Variants in RIMBP2 observed in about 807,000 individuals in gnomAD.
The protein encoded by RIMBP2 is RIMS binding protein 2, also known as RIMS-binding protein 2.
RIMBP2 carries 48 observed loss-of-function variants against 118.6 expected under a neutral mutation model. That is an observed-to-expected ratio of 0.40 (90% CI 0.32 to 0.51). The LOEUF is 0.51. RIMBP2 is among the 20% of genes least tolerant of loss of function. The pLI is 0.41. For synonymous variants in RIMBP2, 762 were observed against 742.9 expected (o/e 1.03, Z -0.42); for missense variants, 1,551 against 1,768.3 (o/e 0.88, Z 2.20).
In RIMBP2 at chr12:130,656,581, G is replaced by A. The variant is rs543099118; in HGVS notation, c.-351-28125C>T. Among the ~76,000 whole-genome samples, 16 of 152,040 alleles carry A rather than the reference G, an allele frequency of 1.1e-4. No homozygotes were observed. In the East Asian group the frequency reaches 1.2e-3, roughly 11 times the overall value. ...TGAGGCTGTCAGGAGAATCTGCCCCGGGCTCCCCCTGACTCCTGGCAGCCT... is the reference window on the plus strand; with the variant it reads ...TGAGGCTGTCAGGAGAATCTGCCCCAGGCTCCCCCTGACTCCTGGCAGCCT... On this transcript the variant is annotated intron_variant, in intron 1 of 22. Coordinates refer to ENST00000690449, the MANE Select transcript of RIMBP2 (RefSeq NM_001393629.1).
At chr12:130,547,371 C>T (rs948566403) in intron 2 of RIMBP2, among the ~76,000 whole-genome samples, 1 of 152,214 alleles carries the variant, frequency 6.6e-6, no homozygotes, top group Admixed American at 6.5e-5. Flanking sequence ...TGTTTAGAAA[C>T]ATACATCTCT....
intron 6 of RIMBP2, among the ~76,000 whole-genome samples, chr12:130,467,003 A>G (rs556404983): frequency 2.0e-5 from 3 of 152,178 alleles, no homozygotes; most frequent in Non-Finnish European, 4.4e-5. Context: ...ACCTATTGAA[A>G]CCACCATTGC....
At chr12:130,405,403 G>C (rs942695433) in intron 21 of RIMBP2, among the ~76,000 whole-genome samples, 1 of 152,178 alleles carries the variant, frequency 6.6e-6, no homozygotes, top group Non-Finnish European at 1.5e-5. Flanking sequence ...AGTTCTTGCC[G>C]ATTCTGATAA....
intron 4 of RIMBP2, among the ~76,000 whole-genome samples, chr12:130,505,206 G>A (rs2050183993): frequency 6.6e-6 from 1 of 152,134 alleles, no homozygotes; most frequent in African/African-American, 2.4e-5. Context: ...AGCTTGCTGA[G>A]AACCGCAGGA....
chr12:130,631,160 G>A (rs192064274), intron 1 of RIMBP2, among the ~76,000 whole-genome samples: 12 of 152,220 alleles, frequency 7.9e-5, no homozygotes, highest in South Asian at 2.1e-4. Context: ...CAGAAAGAAC[G>A]GGAGAAGAGT....
chr12:130,609,830 A>AG (rs2060403120), intron 2 of RIMBP2, among the ~76,000 whole-genome samples: 1 of 152,180 alleles, frequency 6.6e-6, no homozygotes, highest in Non-Finnish European at 1.5e-5. Flanking sequence ...TCTGAGACCC[A>AG]GGAGCTTCAG....
intron 1 of RIMBP2, among the ~76,000 whole-genome samples, chr12:130,709,957 G>T (rs1949786392): frequency 6.6e-6 from 1 of 152,090 alleles, no homozygotes; most frequent in Non-Finnish European, 1.5e-5. Context: ...GGGCAAGGAG[G>T]ACCTTCCACC....
At chr12:130,643,929 G>A (rs575677729) in intron 1 of RIMBP2, among the ~76,000 whole-genome samples, 1 of 152,276 alleles carries the variant, frequency 6.6e-6, no homozygotes, top group Admixed American at 6.5e-5. Flanking sequence ...CCCCCAAGAA[G>A]GTGTCCTCTG....
At chr12:130,406,103 A>C in intron 21 of RIMBP2, 69 bp downstream of exon 21, 1 of 1,075,144 alleles carries the variant, frequency 9.3e-7, no homozygotes, top group Non-Finnish European at 1.4e-6. Context: ...CGGACTAGCA[A>C]AACAAAACAC....
At chr12:130,499,501 C>T (rs982934553) in intron 4 of RIMBP2, among the ~76,000 whole-genome samples, 1 of 152,174 alleles carries the variant, frequency 6.6e-6, no homozygotes, top group Admixed American at 6.5e-5. Flanking sequence ...CTTATCTTGG[C>T]CTTCAAAAGC....
intron 19 of RIMBP2, among the ~76,000 whole-genome samples, chr12:130,408,977 G>A (rs1488812756): frequency 6.7e-6 from 1 of 149,468 alleles, no homozygotes; most frequent in Admixed American, 6.6e-5. Flanking sequence ...ACGCCTCTGT[G>A]CACATGTGTC....
chr12:130,557,821 C>T (rs2056494309), intron 2 of RIMBP2, among the ~76,000 whole-genome samples: 1 of 152,148 alleles, frequency 6.6e-6, no homozygotes, highest in South Asian at 2.1e-4. Flanking sequence ...TTCGATGCCC[C>T]GCCTTCATCT....
At position 130,676,706 on chromosome 12, in the gene RIMBP2, C is replaced by T. The variant is rs112616082; in HGVS notation, c.-352+39516G>A. 9.9e-3 allele frequency among the ~76,000 whole-genome samples: 1,512 copies of T among 152,200 alleles called. 30 individuals are homozygous for T. Among genetic ancestry groups the T allele is most frequent in the African/African-American group, 0.034 (1,426 of 41,516 alleles). Reference sequence around the variant, plus strand: ...AATATTACTCAGCCACAAAAAGGAGCAAACCACCACACAGCCCAAATCATG... The same window carrying T: ...AATATTACTCAGCCACAAAAAGGAGTAAACCACCACACAGCCCAAATCATG... On this transcript the variant is annotated intron_variant, in intron 1 of 22. Transcript: ENST00000690449.
intron 1 of RIMBP2, among the ~76,000 whole-genome samples, chr12:130,672,322 C>T (rs577035369): frequency 6.6e-6 from 1 of 152,236 alleles, no homozygotes; most frequent in Non-Finnish European, 1.5e-5. Flanking sequence ...CGCTTGGCAG[C>T]ATTATTTATG....
chr12:130,627,227 A>C (rs1386724897), intron 2 of RIMBP2, among the ~76,000 whole-genome samples: 4 of 152,244 alleles, frequency 2.6e-5, no homozygotes, highest in Non-Finnish European at 1.5e-5. Flanking sequence ...GCCAAGCCCA[A>C]GCAGGGGCAC....
At chr12:130,698,115 G>A (rs1255191113) in intron 1 of RIMBP2, among the ~76,000 whole-genome samples, 1 of 152,138 alleles carries the variant, frequency 6.6e-6, no homozygotes, top group Non-Finnish European at 1.5e-5. Context: ...AGGAGACAGA[G>A]AAGGACAGGG....
intron 2 of RIMBP2, among the ~76,000 whole-genome samples, chr12:130,577,516 A>T (rs1200131572): frequency 1.3e-5 from 2 of 152,098 alleles, no homozygotes; most frequent in Non-Finnish European, 2.9e-5. Flanking sequence ...ATGCAGAGGA[A>T]ACCGCCATGT....
intron 3 of RIMBP2, among the ~76,000 whole-genome samples, chr12:130,507,386 T>TA (rs1022537183): frequency 7.9e-5 from 12 of 152,208 alleles, no homozygotes; most frequent in Non-Finnish European, 1.8e-4. Context: ...AGATTCTCCT[T>TA]GTTTGCTTAC....
At chr12:130,646,087 T>TCCCTCTCCACC (rs2062882373) in intron 1 of RIMBP2, among the ~76,000 whole-genome samples, 1 of 60,504 alleles carries the variant, frequency 1.7e-5, no homozygotes, top group African/African-American at 6.5e-5. Flanking sequence ...CCCTCACCAC[T>TCCCTCTCCACC]TCCCTCTCCA....
Sources: gnomAD v4.1 joint callset for allele counts (sites outside exome capture counted in the v4.1 genomes callset) on GRCh38, gnomAD v4.1.1 for gene constraint, MANE v1.5 for transcripts, NCBI Gene and HGNC (gene_info 2026-07-23, HGNC 2026-07-21) for gene names.